Variants in UNC13C observed in about 807,000 individuals in gnomAD.
UNC13C encodes the protein protein unc-13 homolog C.
A neutral mutation model predicts 245.4 loss-of-function variants in UNC13C; 174 were observed. The observed-to-expected ratio is 0.71, with a 90% CI of 0.63 to 0.80. The LOEUF is 0.80. Ranked by LOEUF, UNC13C falls within the 30% of genes least tolerant of loss-of-function variation. The pLI, the probability that UNC13C is intolerant of heterozygous loss-of-function variation, is 0.00. For synonymous variants in UNC13C, 992 were observed against 895.1 expected, an observed-to-expected ratio of 1.11 and a Z score of -1.93; for missense variants, 2,829 against 2,602.9, an observed-to-expected ratio of 1.09 and a Z score of -1.89.
chr15:54,573,076 A>C (rs991885014), intron 30 of UNC13C, among the ~76,000 whole-genome samples: 1 of 152,164 alleles, frequency 6.6e-6, no homozygotes, highest in African/African-American at 2.4e-5. Context: ...ACTTCCCTTT[A>C]AAAATATGTT....
At chr15:53,852,369 G>A in the UNC13C span, among the ~76,000 whole-genome samples, 2 of 152,060 alleles carry the variant, frequency 1.3e-5, no homozygotes, top group Non-Finnish European at 2.9e-5. Flanking sequence ...ATGATTCCAG[G>A]CCTTATGTGA....
At chr15:54,626,742 A>ACAATTTT in intron 32 of UNC13C, 86 bp from the exon 33 acceptor site, 1 of 1,159,618 alleles carries the variant, frequency 8.6e-7, no homozygotes, top group South Asian at 1.6e-5. Context: ...TCCAATGTAT[A>ACAATTTT]CAGTTTTCAG....
At chr15:54,065,904 C>T (rs981515994) in intron 2 of UNC13C, among the ~76,000 whole-genome samples, 1 of 152,198 alleles carries the variant, frequency 6.6e-6, no homozygotes, top group African/African-American at 2.4e-5. Context: ...AATCACTGTA[C>T]TGGCTAATGG....
intron 2 of UNC13C, among the ~76,000 whole-genome samples, chr15:54,034,653 A>C (rs1223271245): frequency 6.6e-6 from 1 of 152,222 alleles, no homozygotes; most frequent in Non-Finnish European, 1.5e-5. Flanking sequence ...ACATTGCTGT[A>C]CATTTTATCA....
At chr15:53,971,666 A>G in the UNC13C span, among the ~76,000 whole-genome samples, 1 of 152,224 alleles carries the variant, frequency 6.6e-6, no homozygotes, top group Non-Finnish European at 1.5e-5. Context: ...TTTAAAAAGT[A>G]TACTTTCTTT....
chr15:53,967,763 T>G, the UNC13C span, among the ~76,000 whole-genome samples: 1 of 152,182 alleles, frequency 6.6e-6, no homozygotes. Context: ...ATTTGCCAAA[T>G]GGAGATAAAT....
chr15:54,596,535 G>A (rs1374143905), intron 30 of UNC13C, among the ~76,000 whole-genome samples: 2 of 152,188 alleles, frequency 1.3e-5, no homozygotes, highest in Non-Finnish European at 2.9e-5. Context: ...CCAAATGAGA[G>A]CACCACTAGG....
intron 2 of UNC13C, among the ~76,000 whole-genome samples, chr15:54,142,367 C>T (rs1034742043): frequency 5.3e-5 from 8 of 152,160 alleles, no homozygotes; most frequent in African/African-American, 1.7e-4. Flanking sequence ...AGATCAGGAG[C>T]CCTGGATTTG....
chr15:54,038,122 A>ATTTT (rs1355738786), intron 2 of UNC13C, among the ~76,000 whole-genome samples: 3 of 50,256 alleles, frequency 6.0e-5, no homozygotes, highest in African/African-American at 2.8e-4. Flanking sequence ...ATATATATAT[A>ATTTT]TATTTTTTTT....
the UNC13C span, among the ~76,000 whole-genome samples, chr15:53,870,644 C>T: frequency 6.6e-6 from 1 of 152,138 alleles, no homozygotes; most frequent in Non-Finnish European, 1.5e-5. Context: ...TACGTCCTAA[C>T]TCATAAAAAC....
At chr15:54,248,569 G>C (rs547668831) in intron 7 of UNC13C, among the ~76,000 whole-genome samples, 3 of 52,630 alleles carry the variant, frequency 5.7e-5, no homozygotes, top group African/African-American at 1.7e-4. Context: ...ACTTGCTTCA[G>C]ACACTCTTTA....
chr15:54,175,400 C>T (rs1436016041), intron 4 of UNC13C, among the ~76,000 whole-genome samples: 1 of 151,930 alleles, frequency 6.6e-6, no homozygotes, highest in African/African-American at 2.4e-5. Flanking sequence ...CCCACCATAA[C>T]TATAAAACAG....
At chr15:53,937,405 C>G in the UNC13C span, among the ~76,000 whole-genome samples, 1 of 152,082 alleles carries the variant, frequency 6.6e-6, no homozygotes, top group South Asian at 2.1e-4. Flanking sequence ...GAACCTATGA[C>G]TAATTGGGGT....
intron 8 of UNC13C, among the ~76,000 whole-genome samples, chr15:54,252,668 A>G (rs921808831): frequency 6.6e-6 from 1 of 152,218 alleles, no homozygotes; most frequent in Non-Finnish European, 1.5e-5. Flanking sequence ...AAAAATGGCA[A>G]TGGTGACACT....
the UNC13C span, among the ~76,000 whole-genome samples, chr15:53,938,327 A>G: frequency 1.3e-5 from 2 of 152,056 alleles, no homozygotes; most frequent in African/African-American, 2.4e-5. Context: ...AGAGCTAACT[A>G]TCCTAAGTAT....
intron 30 of UNC13C, among the ~76,000 whole-genome samples, chr15:54,614,401 TTTTTGAATCC>T (rs1277105915): frequency 6.6e-6 from 1 of 151,926 alleles, no homozygotes; most frequent in African/African-American, 2.4e-5. Flanking sequence ...TCTTTGAATC[TTTTTGAATCC>T]ATAATTTCCC....
chr15:54,063,438 C>A (rs1157864451), intron 2 of UNC13C, among the ~76,000 whole-genome samples: 1 of 151,840 alleles, frequency 6.6e-6, no homozygotes, highest in East Asian at 1.9e-4. Flanking sequence ...ATGCCAAAGC[C>A]AATACCAACT....
intron 19 of UNC13C, among the ~76,000 whole-genome samples, chr15:54,484,816 A>G (rs1336951220): frequency 6.6e-6 from 1 of 152,176 alleles, no homozygotes; most frequent in African/African-American, 2.4e-5. Context: ...AAGGATCTCA[A>G]TTACAGGTTA....
chr15:54,175,205 C>T (rs74016098), intron 4 of UNC13C, among the ~76,000 whole-genome samples: 1,751 of 152,232 alleles, frequency 0.012, 33 homozygotes, highest in African/African-American at 0.04. Context: ...CTTATCTCTC[C>T]ATCAGCTTTT....
Sources: gnomAD v4.1 joint callset for allele counts (sites outside exome capture counted in the v4.1 genomes callset) on GRCh38, gnomAD v4.1.1 for gene constraint, MANE v1.5 for transcripts, NCBI Gene and HGNC (gene_info 2026-07-23, HGNC 2026-07-21) for gene names.